Variants in USO1 observed in about 807,000 individuals in gnomAD.
USO1 encodes general vesicular transport factor p115.
USO1 carries 57 observed loss-of-function variants against 124.5 expected under a neutral mutation model. That is an observed-to-expected ratio of 0.46 (90% confidence interval 0.37 to 0.57). The LOEUF (loss-of-function observed/expected upper bound fraction) is 0.57, where lower values mean the gene tolerates loss of function less well. Among genes scored for constraint, USO1 ranks in the 20% least tolerant of loss-of-function variants. USO1 has a pLI of 0.00. For missense variants in USO1, 900 were observed against 1,040.6 expected (o/e 0.86, Z 1.86); for synonymous variants, 369 against 362.8 (o/e 1.02, Z -0.19).
chr4:75,806,930 TGG>T (rs1244869214), intron 20 of USO1, among the ~76,000 whole-genome samples: 1 of 152,108 alleles, frequency 6.6e-6, no homozygotes, highest in Non-Finnish European at 1.5e-5. Context: ...ACTAAATGTA[TGG>T]GGTTTTTAAA....
In USO1 at chr4:75,800,392, G is replaced by T; in HGVS notation, c.1605G>T (p.Gln535His). Residue 535 changes from glutamine to histidine, a missense_variant, in exon 15 of 24, where the codon CAG (glutamine) becomes CAT (histidine). By Grantham distance (24) the Gln-to-His change is conservative. Around this residue, in one of 2 missense-constraint regions of USO1, gnomAD observed 538 missense variants for 681.6 expected, o/e 0.79. Coordinates refer to ENST00000514213, the MANE Select transcript of USO1 (RefSeq NM_003715.4). The part of the protein sequence containing the change: ...QIAENLGEEE[Q>H]LVQGLCALLL... ...CAGAAAATCTTGGAGAAGAAGAGCA[G>T]TTGGTCCAAGGCTTATGTGCCCTTT... The T allele has an allele frequency of 3.1e-6, 5 of 1,599,764 alleles. No homozygotes were observed. In the South Asian group the frequency reaches 5.7e-5, roughly 18 times the overall value.
intron 8 of USO1, among the ~76,000 whole-genome samples, chr4:75,776,070 G>C (rs1484702255): frequency 1.3e-5 from 2 of 152,156 alleles, no homozygotes; most frequent in Non-Finnish European, 2.9e-5. Context: ...GATGTTTTCC[G>C]TGGACAAAGG....
intron 22 of USO1, among the ~76,000 whole-genome samples, chr4:75,811,427 G>T (rs897488243): frequency 2.6e-5 from 4 of 152,126 alleles, no homozygotes; most frequent in Non-Finnish European, 5.9e-5. Context: ...CAAAGTGCTG[G>T]GATTACAGGC....
intron 4 of USO1, among the ~76,000 whole-genome samples, chr4:75,768,673 G>A (rs965507438): frequency 3.3e-5 from 5 of 152,176 alleles, no homozygotes; most frequent in East Asian, 1.9e-4. Flanking sequence ...ATGTTGACTA[G>A]AATTGATGAG....
In USO1 at chr4:75,806,507, A is replaced by T; in HGVS notation, c.2311A>T (p.Thr771Ser). 1 of 1,560,714 alleles carries T rather than the reference A, an allele frequency of 6.4e-7. No homozygotes were observed. The highest frequency in any genetic ancestry group is 8.7e-7 in the Non-Finnish European group (1 of 1,151,244). Reference protein sequence around the residue: ...ENMKSSQTSGTNEQSSAIVSA... With the variant: ...ENMKSSQTSGSNEQSSAIVSA... ...GCAGAAATCTTCCCAAACATCTGGC[A>T]CAAATGAACAGTCTTCAGCAATAGT... The change falls in exon 20 of 24, where the codon ACA (threonine) becomes TCA (serine). Residue 771 changes from threonine (T) to serine (S), a missense_variant. Physicochemically the swap from Thr to Ser is moderately conservative, Grantham distance 58. Coordinates refer to ENST00000514213, the MANE Select transcript of USO1 (RefSeq NM_003715.4).
Position 75,741,010 on chromosome 4 carries a change from G to A in USO1, c.67-11363G>A, listed in dbSNP as rs556244466. Among the ~76,000 whole-genome samples, 3 of 152,194 alleles carry A rather than the reference G, an allele frequency of 2.0e-5. No individual in the cohort carries two copies. The South Asian group carries it at 6.2e-4, about 32-fold the overall frequency. Reference sequence around the variant, plus strand: ...ATAGTTCTTGGTAGCTCAGTGTCGGGGCTAAATTCTGAGAAATGCATTATT... The same window carrying A: ...ATAGTTCTTGGTAGCTCAGTGTCGGAGCTAAATTCTGAGAAATGCATTATT... On this transcript the variant is annotated intron_variant, in intron 1 of 23. Coordinates refer to ENST00000514213, the MANE Select transcript of USO1 (RefSeq NM_003715.4).
chr4:75,798,124 G>A (rs970888853), intron 13 of USO1, among the ~76,000 whole-genome samples: 1 of 152,008 alleles, frequency 6.6e-6, no homozygotes, highest in African/African-American at 2.4e-5. Context: ...TGTAATAAAT[G>A]GAGTGTTTCA....
chr4:75,804,028 C>G (rs1195479806), intron 17 of USO1, 106 bp from the exon 18 acceptor site: 13 of 1,435,638 alleles, frequency 9.1e-6, no homozygotes, highest in Middle Eastern at 2.0e-4. Flanking sequence ...GTGTTAAGCA[C>G]TTTAGCATAC....
chr4:75,724,647 T>C lies in USO1; in HGVS notation c.-173T>C, dbSNP rs2149130168. On this transcript the variant is annotated 5_prime_UTR_variant, in exon 1 of 24. Coordinates refer to ENST00000514213, the MANE Select transcript of USO1 (RefSeq NM_003715.4). ...CGCGCATGCGCATCTTGGCCGCTGC[T>C]GGCGGCTGTTTCCGGGCTTAGAGGG... The C allele has an allele frequency of 3.2e-6, 2 of 619,012 alleles. No homozygotes were observed. The highest frequency in any genetic ancestry group is 3.1e-5 in the East Asian group (1 of 31,772). The allele number at this position is 619,012 out of a possible 1,614,324, so 38.3% of individuals were successfully genotyped here.
At chr4:75,773,735 CAT>C (rs1199364301) in intron 7 of USO1, among the ~76,000 whole-genome samples, 1 of 152,154 alleles carries the variant, frequency 6.6e-6, no homozygotes, top group Non-Finnish European at 1.5e-5. Flanking sequence ...CTTTTTCTCT[CAT>C]ATTAATGTTG....
At chr4:75,782,981 C>A in intron 9 of USO1, 123 bp downstream of exon 9, 1 of 1,303,226 alleles carries the variant, frequency 7.7e-7, no homozygotes. Context: ...CTTAAAAAAA[C>A]TGTAATATGG....
rs530043092 is a variant in USO1 at position 75,733,116 on chromosome 4, G to A, written c.66+8231G>A. 1.2e-3 allele frequency among the ~76,000 whole-genome samples: 181 copies of A among 151,526 alleles called. 2 individuals are homozygous for A. The highest frequency in any genetic ancestry group is 3.4e-3 in the Middle Eastern group (1 of 294). On this transcript the variant is annotated intron_variant, in intron 1 of 23. Coordinates refer to ENST00000514213, the MANE Select transcript of USO1 (RefSeq NM_003715.4). ...TCTACTACAAATACAAAAATTAGCC[G>A]GGCGTGGTGGCGGGCACCTGTAGTC...
intron 22 of USO1, among the ~76,000 whole-genome samples, chr4:75,811,246 C>T (rs1723139954): frequency 6.6e-6 from 1 of 151,758 alleles, no homozygotes; most frequent in African/African-American, 2.4e-5. Context: ...GCCTCCACCT[C>T]CCAGATTCAA....
intron 1 of USO1, among the ~76,000 whole-genome samples, chr4:75,734,086 C>T (rs1720717915): frequency 6.6e-6 from 1 of 151,860 alleles, no homozygotes; most frequent in Non-Finnish European, 1.5e-5. Flanking sequence ...GCTGGGACTA[C>T]AGATGCACAC....
In USO1 at chr4:75,810,515, A is replaced by G. The variant is rs756754644; in HGVS notation, c.2559A>G (p.Leu853=). The change falls in exon 22 of 24, where the codon TTA becomes TTG. Residue 853 remains leucine (L), a synonymous_variant. Transcript: ENST00000514213. ...ATGTAGAAGGAAGACTGTCAGCATT[A>G]TTACAAGAGACCAAAGAGTTAAAGG... is the stretch of plus-strand genomic sequence containing the variant. ...TTDVEGRLSA[L]LQETKELKNE... is the part of the protein sequence containing the mutation. 9.3e-6 allele frequency: 15 copies of G among 1,612,660 alleles called. No individual in the cohort carries two copies. The highest frequency in any genetic ancestry group is 1.3e-5 in the Non-Finnish European group (15 of 1,179,386).
chr4:75,804,366 T>C, intron 18 of USO1, 94 bp downstream of exon 18: 1 of 1,440,094 alleles, frequency 6.9e-7, no homozygotes, highest in Non-Finnish European at 9.1e-7. Context: ...GGACTAGTAT[T>C]TTTCTAACCT....
chr4:75,798,020 T>C (rs1722739746), intron 13 of USO1, among the ~76,000 whole-genome samples: 2 of 152,242 alleles, frequency 1.3e-5, no homozygotes, highest in African/African-American at 4.8e-5. Flanking sequence ...TGTCCACTTT[T>C]GTGCTCTTTA....
rs139110708 is a variant in USO1 at position 75,774,885 on chromosome 4, G to A, written c.676+89G>A. 1.7e-4 allele frequency: 254 copies of A among 1,453,724 alleles called. 1 individual carries two copies. In the African/African-American group the frequency reaches 3.2e-3, roughly 19 times the overall value. The allele number at this position is 1,453,724 out of a possible 1,614,324, so 90.1% of individuals were successfully genotyped here. On this transcript the variant is annotated intron_variant, in intron 8 of 23. Transcript: ENST00000514213. ...GGAATACAGTTGGAGGGAGAAATGG[G>A]GACTCTTATTTATACTCTTTGTTTT...
chr4:75,802,444 T>TA (rs1560460875), intron 17 of USO1, among the ~76,000 whole-genome samples: 1 of 152,326 alleles, frequency 6.6e-6, no homozygotes, highest in African/African-American at 2.4e-5. Flanking sequence ...ACAATTACTC[T>TA]AATGACTTCC....
Sources: gnomAD v4.1 joint callset for allele counts (sites outside exome capture counted in the v4.1 genomes callset) on GRCh38, gnomAD v4.1.1 for gene constraint, gnomAD v4.1.1 regional missense constraint, MANE v1.5 for transcripts, NCBI Gene and HGNC (gene_info 2026-07-23, HGNC 2026-07-21) for gene names.